ITPK1: variants seen among roughly 807,000 people sequenced by gnomAD.
The protein encoded by ITPK1 is inositol-tetrakisphosphate 1-kinase, also known as inositol 1,3,4-trisphosphate 5/6-kinase.
In ITPK1, 21 loss-of-function variants were observed where a neutral mutation model predicts 45.3. The observed-to-expected ratio is 0.46, with a 90% CI of 0.33 to 0.67. The LOEUF (loss-of-function observed/expected upper bound fraction) is 0.67, where lower values mean the gene tolerates loss of function less well. ITPK1 is among the 30% of genes least tolerant of loss of function. The probability of loss-of-function intolerance (pLI) is 0.02; values close to 1 mark genes in which losing one functional copy is unlikely to be tolerated. For missense variants in ITPK1, 474 were observed against 573.5 expected, an observed-to-expected ratio of 0.83 and a Z score of 1.77; for synonymous variants, 258 against 253.6, an observed-to-expected ratio of 1.02 and a Z score of -0.16.
intron 4 of ITPK1, among the ~76,000 whole-genome samples, chr14:93,013,085 C>T (rs559422666): frequency 6.6e-6 from 1 of 152,316 alleles, no homozygotes; most frequent in South Asian, 2.1e-4. Context: ...GGGACCCTCT[C>T]GGCATGCCGG....
At chr14:92,950,381 G>A (rs557685847) in intron 9 of ITPK1, among the ~76,000 whole-genome samples, 1 of 152,376 alleles carries the variant, frequency 6.6e-6, no homozygotes, top group South Asian at 2.1e-4. Context: ...CCAGCCTGCG[G>A]GCGTCCAGGA....
At chr14:93,099,794 G>A (rs868038200) in intron 2 of ITPK1, among the ~76,000 whole-genome samples, 19 of 152,032 alleles carry the variant, frequency 1.2e-4, no homozygotes, top group Admixed American at 2.6e-4. Context: ...CCCAAGCAGA[G>A]GTGCCCAGCA....
chr14:92,944,518 AT>A (rs1278900614), intron 10 of ITPK1, among the ~76,000 whole-genome samples: 4 of 151,962 alleles, frequency 2.6e-5, no homozygotes, highest in African/African-American at 9.7e-5. Flanking sequence ...CCATCTACAC[AT>A]TTTGTGTTGG....
At chr14:93,029,456 G>A (rs187601178) in intron 3 of ITPK1, among the ~76,000 whole-genome samples, 3 of 152,112 alleles carry the variant, frequency 2.0e-5, no homozygotes, top group African/African-American at 7.2e-5. Flanking sequence ...GGCCTAGCAG[G>A]GTAAGAAAAA....
Position 92,958,340 on chromosome 14 carries a change from G to A in ITPK1, c.531C>T (p.Gly177=), listed in dbSNP as rs147046393. The A allele has an allele frequency of 3.1e-5, 50 of 1,614,050 alleles. No homozygotes were observed. The highest frequency in any genetic ancestry group is 3.6e-5 in the Non-Finnish European group (42 of 1,180,024). Residue 177 remains glycine, a synonymous_variant, in exon 8 of 11, where the codon GGC becomes GGT. Transcript: ENST00000267615. This position sits in a 1 kb window ranked among gnomAD's most constrained non-coding sequence, Gnocchi z 4.4. ...HEMAIVFNQE[G]LNAIQPPCVV... is the part of the protein sequence containing the mutation. ...CGCAGGGTGGCTGGATGGCGTTCAG[G>A]CCCTCCTGGTTGAACACGATAGCCA...
intron 5 of ITPK1, among the ~76,000 whole-genome samples, chr14:92,964,644 T>G (rs535172993): frequency 9.8e-5 from 15 of 152,290 alleles, no homozygotes; most frequent in Admixed American, 1.3e-4. Context: ...GGACGGGCGC[T>G]CACCAGCCTG....
At chr14:93,002,453 G>A (rs890793961) in intron 4 of ITPK1, among the ~76,000 whole-genome samples, 2 of 152,132 alleles carry the variant, frequency 1.3e-5, no homozygotes, top group Non-Finnish European at 2.9e-5. Context: ...AGGGCCTCTG[G>A]CTCCAGAGCC....
At chr14:92,953,192 T>C (rs1235339092) in intron 8 of ITPK1, among the ~76,000 whole-genome samples, 1 of 152,238 alleles carries the variant, frequency 6.6e-6, no homozygotes, top group Middle Eastern at 3.2e-3. Flanking sequence ...GCAACAATTA[T>C]GCATGAGGGA....
At chr14:93,060,532 C>G (rs1239666277) in intron 3 of ITPK1, among the ~76,000 whole-genome samples, 1 of 152,126 alleles carries the variant, frequency 6.6e-6, no homozygotes, top group Non-Finnish European at 1.5e-5. Context: ...AGCATGGGGA[C>G]AGTGAAACAA....
At chr14:92,990,313 T>C (rs1453240539) in intron 5 of ITPK1, among the ~76,000 whole-genome samples, 1 of 152,164 alleles carries the variant, frequency 6.6e-6, no homozygotes, top group Non-Finnish European at 1.5e-5. Context: ...GTCTAGATCT[T>C]GGATGTGAGG....
At position 92,946,483 on chromosome 14, in the gene ITPK1, A is replaced by C. The variant is rs763004496; in HGVS notation, c.749T>G (p.Ile250Ser). 6.2e-7 allele frequency: 1 copy of C among 1,612,622 alleles called. No individual in the cohort carries two copies. The highest frequency in any genetic ancestry group is 2.2e-5 in the East Asian group (1 of 44,880). ...GCTCGGCCGCTCGAACACGCCCTCG[A>C]TCTTGTCCAGCTGCCAACATACACA... is the stretch of plus-strand genomic sequence containing the variant. Reference protein sequence around the residue: ...SSSVLTELDKIEGVFERPSDE... With the variant: ...SSSVLTELDKSEGVFERPSDE... The change falls in exon 10 of 11, where the codon ATC (isoleucine) becomes AGC (serine). Residue 250 changes from isoleucine (I) to serine (S), a missense_variant. Transcript: ENST00000267615.
rs190139993 is a variant in ITPK1, at chr14:93,103,055, G to A, written c.95+12014C>T. On this transcript the variant is annotated intron_variant, in intron 2 of 10. Transcript: ENST00000267615. Reference sequence around the variant, plus strand: ...GCGGAGCTTGCAGTGAGCCAAGATCGCGCCACTGCACTCCAGCCTGGGCGA... The same window carrying A: ...GCGGAGCTTGCAGTGAGCCAAGATCACGCCACTGCACTCCAGCCTGGGCGA... Among the ~76,000 whole-genome samples the A allele has an allele frequency of 3.5e-3, 489 of 138,892 alleles. 3 individuals are homozygous for A. Among genetic ancestry groups the A allele is most frequent in the Middle Eastern group, 0.015 (3 of 204 alleles). The allele number at this position is 138,892 out of a possible 152,430, so 91.1% of individuals were successfully genotyped here.
intron 4 of ITPK1, among the ~76,000 whole-genome samples, chr14:92,999,259 C>T (rs1365630250): frequency 6.6e-6 from 1 of 152,256 alleles, no homozygotes; most frequent in Non-Finnish European, 1.5e-5. Flanking sequence ...AGCACCTTCC[C>T]GTATTTGCGG....
intron 5 of ITPK1, among the ~76,000 whole-genome samples, chr14:92,966,165 C>T (rs1382968569): frequency 1.0e-5 from 1 of 96,620 alleles, no homozygotes; most frequent in Non-Finnish European, 2.0e-5. Context: ...CCATACCCAA[C>T]TAATTGGTAG....
At chr14:92,999,624 G>A (rs1042565095) in intron 4 of ITPK1, among the ~76,000 whole-genome samples, 1 of 152,236 alleles carries the variant, frequency 6.6e-6, no homozygotes, top group African/African-American at 2.4e-5. Context: ...AGTGAGGGCT[G>A]ATGGCATGAA....
intron 4 of ITPK1, among the ~76,000 whole-genome samples, chr14:93,008,019 A>T (rs1321615978): frequency 2.0e-5 from 3 of 152,190 alleles, no homozygotes; most frequent in Non-Finnish European, 4.4e-5. Context: ...CTGCCAGCCC[A>T]CTGCAGACAG....
chr14:93,079,471 C>T (rs924282286), intron 2 of ITPK1, among the ~76,000 whole-genome samples: 1 of 152,196 alleles, frequency 6.6e-6, no homozygotes, highest in Non-Finnish European at 1.5e-5. Context: ...GAACAGGGCT[C>T]TCCCCACACC....
At chr14:92,994,245 A>G (rs1886938157) in intron 4 of ITPK1, among the ~76,000 whole-genome samples, 1 of 152,246 alleles carries the variant, frequency 6.6e-6, no homozygotes, top group South Asian at 2.1e-4. Context: ...AACCAGGCTC[A>G]GGGCAGGCCG....
chr14:93,115,184 C>T lies in ITPK1; in HGVS notation c.-21G>A, dbSNP rs776004641. The T allele has an allele frequency of 2.5e-6, 4 of 1,570,168 alleles. No individual in the cohort carries two copies. In the South Asian group the frequency reaches 4.5e-5, roughly 18 times the overall value. On this transcript the variant is annotated 5_prime_UTR_variant, in exon 2 of 11. Coordinates refer to ENST00000267615, the MANE Select transcript of ITPK1 (RefSeq NM_014216.6). Reference sequence around the variant, plus strand: ...TGCATCTTCCTCCTCGGGCGGGGAGCCTGGGTCCGGAGGAAATCGCCCACA... The same window carrying T: ...TGCATCTTCCTCCTCGGGCGGGGAGTCTGGGTCCGGAGGAAATCGCCCACA...
Sources: gnomAD v4.1 joint callset for allele counts (sites outside exome capture counted in the v4.1 genomes callset) on GRCh38, gnomAD v4.1.1 for gene constraint, Gnocchi (gnomAD v3.1) non-coding constraint, MANE v1.5 for transcripts, NCBI Gene and HGNC (gene_info 2026-07-23, HGNC 2026-07-21) for gene names.